The following ME3 variants were observed in gnomAD, a reference collection of about 807,000 sequenced individuals.
The protein encoded by ME3 is malic enzyme 3.
A neutral mutation model predicts 68.9 loss-of-function variants in ME3; 48 were observed. The ratio of observed to expected loss-of-function variants is 0.70; its 90% CI spans 0.55 to 0.89. The LOEUF is 0.89. ME3 is among the 40% of genes least tolerant of loss of function. The pLI is 0.00. For synonymous variants in ME3, 320 were observed against 318.8 expected (o/e 1.00, Z -0.04); for missense variants, 675 against 797.4 (o/e 0.85, Z 1.85).
intron 2 of ME3, among the ~76,000 whole-genome samples, chr11:86,581,010 G>C (rs193300563): frequency 1.8e-4 from 28 of 152,260 alleles, no homozygotes; most frequent in Admixed American, 5.9e-4. Flanking sequence ...TCTTCCAAAA[G>C]GCAGGAATGA....
chr11:86,633,215 T>C (rs937771651), intron 2 of ME3, among the ~76,000 whole-genome samples: 2 of 152,240 alleles, frequency 1.3e-5, no homozygotes, highest in African/African-American at 4.8e-5. Flanking sequence ...ACAAGAGAGA[T>C]GTGACCAAGG....
chr11:86,545,082 A>G (rs1396296296), intron 4 of ME3, among the ~76,000 whole-genome samples: 1 of 151,904 alleles, frequency 6.6e-6, no homozygotes, highest in East Asian at 1.9e-4. Flanking sequence ...CCACATGATT[A>G]TCTCAATAGA....
intron 11 of ME3, 45 bp from the exon 12 acceptor site, chr11:86,447,252 CAA>C: frequency 6.3e-7 from 1 of 1,594,430 alleles, no homozygotes; most frequent in South Asian, 1.1e-5. Flanking sequence ...TCTCTATAAA[CAA>C]CCCATTCCTC....
chr11:86,648,387 T>G (rs1391741446), intron 2 of ME3, among the ~76,000 whole-genome samples: 2 of 151,844 alleles, frequency 1.3e-5, no homozygotes, highest in Non-Finnish European at 2.9e-5. Flanking sequence ...AGATCTCAAA[T>G]CGACACCCTA....
At chr11:86,498,083 T>G in exon 6 of ME3, 1 of 1,613,402 alleles carries the variant, frequency 6.2e-7, no homozygotes, top group South Asian at 1.1e-5. Context: ...AGCCCAGGTC[T>G]CCCAGGCCCA....
At chr11:86,651,840 A>C (rs538401377) in intron 2 of ME3, among the ~76,000 whole-genome samples, 58 of 152,232 alleles carry the variant, frequency 3.8e-4, no homozygotes, top group African/African-American at 1.3e-3. Flanking sequence ...GAAGTTAAAA[A>C]CCTTGAAAAA....
At chr11:86,436,144 A>G (rs867998680), downstream of ME3, 7 of 152,160 alleles carry the variant, frequency 4.6e-5, no homozygotes, top group African/African-American at 1.4e-4. Flanking sequence ...CTCTCCCTTA[A>G]TCTAATAGTG....
intron 2 of ME3, among the ~76,000 whole-genome samples, chr11:86,630,097 C>T (rs966822009): frequency 1.3e-5 from 2 of 152,268 alleles, no homozygotes; most frequent in African/African-American, 4.8e-5. Context: ...TAGAGATCAT[C>T]ATCCCCTGAT....
intron 7 of ME3, among the ~76,000 whole-genome samples, chr11:86,475,887 A>AGG (rs1264222587): frequency 8.7e-5 from 13 of 148,680 alleles, no homozygotes; most frequent in African/African-American, 3.0e-4. Context: ...AGAGAGAGAG[A>AGG]GAGAGAGAGA....
chr11:86,616,974 T>C (rs1565220424), intron 2 of ME3, among the ~76,000 whole-genome samples: 1 of 148,782 alleles, frequency 6.7e-6, no homozygotes, highest in African/African-American at 2.5e-5. Context: ...GAAAACTGGG[T>C]AAGGGGTATA....
chr11:86,537,743 T>C (rs1202217304), intron 4 of ME3, among the ~76,000 whole-genome samples: 2 of 152,018 alleles, frequency 1.3e-5, no homozygotes, highest in African/African-American at 2.4e-5. Flanking sequence ...GTGCAGGGAG[T>C]TGTCTAGGAG....
chr11:86,484,144 A>G (rs924732622), intron 7 of ME3, among the ~76,000 whole-genome samples: 1 of 152,174 alleles, frequency 6.6e-6, no homozygotes, highest in Non-Finnish European at 1.5e-5. Flanking sequence ...TAGTAAGTTT[A>G]TTTCAGGCCA....
At chr11:86,474,828 G>A (rs1326630996) in intron 7 of ME3, among the ~76,000 whole-genome samples, 3 of 152,180 alleles carry the variant, frequency 2.0e-5, no homozygotes, top group East Asian at 1.9e-4. Flanking sequence ...CATTGGCTGC[G>A]TACACATTAA....
intron 3 of ME3, 135 bp downstream of exon 3, chr11:86,559,554 TA>T: frequency 9.5e-7 from 1 of 1,057,060 alleles, no homozygotes; most frequent in Non-Finnish European, 1.3e-6. Context: ...CTTTAGAAGG[TA>T]GGGCTGAGTC....
chr11:86,616,177 A>G (rs2135231659), intron 2 of ME3, among the ~76,000 whole-genome samples: 1 of 152,374 alleles, frequency 6.6e-6, no homozygotes, highest in South Asian at 2.1e-4. Flanking sequence ...CACCGTGATA[A>G]GGGATATGCC....
chr11:86,650,916 G>A (rs895851293), intron 2 of ME3, among the ~76,000 whole-genome samples: 10 of 152,220 alleles, frequency 6.6e-5, no homozygotes, highest in South Asian at 2.1e-4. Flanking sequence ...CTTTTCCAAC[G>A]GTCTTAGCCA....
At chr11:86,632,319 A>G (rs1435391940) in intron 2 of ME3, among the ~76,000 whole-genome samples, 2 of 152,048 alleles carry the variant, frequency 1.3e-5, no homozygotes, top group African/African-American at 4.8e-5. Flanking sequence ...CGAGAGCCTA[A>G]ATAGGGGAGT....
At chr11:86,645,168 A>G (rs904186740) in intron 2 of ME3, among the ~76,000 whole-genome samples, 3 of 151,998 alleles carry the variant, frequency 2.0e-5, no homozygotes, top group Admixed American at 2.0e-4. Flanking sequence ...CTGCAGGAGT[A>G]TTTTTTTTGT....
At chr11:86,654,481 A>G (rs1945711582) in intron 2 of ME3, among the ~76,000 whole-genome samples, 1 of 152,240 alleles carries the variant, frequency 6.6e-6, no homozygotes, top group Admixed American at 6.5e-5. Context: ...TATAAACAGA[A>G]CCAGTGACAA....
Sources: gnomAD v4.1 joint callset for allele counts (sites outside exome capture counted in the v4.1 genomes callset) on GRCh38, gnomAD v4.1.1 for gene constraint, MANE v1.5 for transcripts, NCBI Gene and HGNC (gene_info 2026-07-23, HGNC 2026-07-21) for gene names.